The following RIDA variants were observed in gnomAD, a reference collection of about 807,000 sequenced individuals.
RIDA encodes the protein 2-iminobutanoate/2-iminopropanoate deaminase.
Under a neutral mutation model 17.8 loss-of-function variants are expected in RIDA, and 17 were observed. That is an observed-to-expected ratio of 0.96 (90% CI 0.65 to 1.43). The LOEUF is 1.43. Ranked by LOEUF, RIDA falls within the 40% of genes most tolerant of loss-of-function variation. The probability of loss-of-function intolerance (pLI) is 0.00; values close to 1 mark genes in which losing one functional copy is unlikely to be tolerated. For missense variants in RIDA, 158 were observed against 161.7 expected, an observed-to-expected ratio of 0.98 and a Z score of 0.12; for synonymous variants, 48 against 55.7, an observed-to-expected ratio of 0.86 and a Z score of 0.62.
At chr8:98,108,860 A>C (rs555734105) in intron 1 of RIDA, 109 bp from the exon 2 acceptor site, 12 of 627,418 alleles carry the variant, frequency 1.9e-5, no homozygotes, top group East Asian at 1.1e-4. Context: ...AAAAAAAAAA[A>C]CAGATACATT....
intron 3 of RIDA, 129 bp downstream of exon 3, chr8:98,106,143 A>C: frequency 9.4e-7 from 1 of 1,065,934 alleles, no homozygotes; most frequent in East Asian, 2.4e-5. Context: ...GAAGTAGAAC[A>C]GTTGCTATTT....
chr8:98,108,996 T>TCCCAAGCC (rs1273024344), intron 1 of RIDA, among the ~76,000 whole-genome samples: 1 of 151,990 alleles, frequency 6.6e-6, no homozygotes, highest in Non-Finnish European at 1.5e-5. Context: ...GACCAGGAGT[T>TCCCAAGCC]TGAGATCAGC....
intron 1 of RIDA, among the ~76,000 whole-genome samples, chr8:98,115,179 G>C (rs1815786828): frequency 6.6e-6 from 1 of 151,974 alleles, no homozygotes; most frequent in Non-Finnish European, 1.5e-5. Context: ...CTTTAGGTCA[G>C]GAGTTCAATA....
chr8:98,116,484 T>C (rs1194016500), intron 1 of RIDA, among the ~76,000 whole-genome samples: 2 of 152,088 alleles, frequency 1.3e-5, no homozygotes, highest in East Asian at 1.9e-4. Context: ...ATTCAATTTA[T>C]AGGAAATGTC....
rs1815577173 is a variant in RIDA, at chr8:98,102,771, T to A, written c.*71A>T. 9.7e-7 allele frequency: 1 copy of A among 1,027,542 alleles called. No homozygotes were observed. The highest frequency in any genetic ancestry group is 1.6e-5 in the African/African-American group (1 of 62,354). 63.7% of individuals were successfully genotyped at this position (1,027,542 alleles called of 1,614,324 possible). On this transcript the variant is annotated 3_prime_UTR_variant, in exon 6 of 6. Coordinates refer to ENST00000254878, the MANE Select transcript of RIDA (RefSeq NM_005836.3). ...TCATCAATTGTGAAAATTAAAAGGT[T>A]AATTAAGATGTTACATCAATTGTAA...
intron 1 of RIDA, among the ~76,000 whole-genome samples, chr8:98,112,005 G>A (rs1815735113): frequency 6.6e-6 from 1 of 151,672 alleles, no homozygotes; most frequent in Non-Finnish European, 1.5e-5. Flanking sequence ...ATAAAATATG[G>A]TATATTAAAC....
chr8:98,104,419 G>T, intron 5 of RIDA, 70 bp downstream of exon 5: 1 of 1,012,720 alleles, frequency 9.9e-7, no homozygotes, highest in Non-Finnish European at 1.6e-6. Context: ...ACAGTGCTTA[G>T]TTTACTTATA....
rs34364402 is a variant in RIDA, at chr8:98,108,847, T to TAA, written c.66-98_66-97dup. The TAA allele has an allele frequency of 4.9e-3, 2,594 of 527,920 alleles. 2 individuals carry two copies. Among genetic ancestry groups the TAA allele is most frequent in the African/African-American group, 9.6e-3 (481 of 50,362 alleles). The allele number at this position is 527,920 out of a possible 1,614,324, so 32.7% of individuals were successfully genotyped here. On this transcript the variant is annotated intron_variant, in intron 1 of 5. Coordinates refer to ENST00000254878, the MANE Select transcript of RIDA (RefSeq NM_005836.3). Reference sequence around the variant, plus strand: ...TGATAGGACAGAGAAGTATAAATTGTAAAAAAAAAAAAACAGATACATTGG... The same window carrying TAA: ...TGATAGGACAGAGAAGTATAAATTGTAAAAAAAAAAAAAAACAGATACATTGG...
intron 1 of RIDA, among the ~76,000 whole-genome samples, chr8:98,109,691 G>T (rs1815692437): frequency 6.6e-6 from 1 of 152,166 alleles, no homozygotes; most frequent in South Asian, 2.1e-4. Context: ...GACCTCCCAG[G>T]CCCAAGTGAT....
chr8:98,112,264 G>C (rs917715419), intron 1 of RIDA, among the ~76,000 whole-genome samples: 2 of 150,718 alleles, frequency 1.3e-5, no homozygotes, highest in African/African-American at 4.9e-5. Flanking sequence ...CTGGATCCCA[G>C]GAGTGCTTTG....
chr8:98,113,609 C>G (rs1185483488), intron 1 of RIDA: 2 of 152,070 alleles, frequency 1.3e-5, no homozygotes, highest in Non-Finnish European at 2.9e-5. Flanking sequence ...TAGCTTTCAG[C>G]TTTATAAAGA....
Position 98,103,641 on chromosome 8 carries a change from A to AT in RIDA, c.352-738dup, listed in dbSNP as rs372281324. On this transcript the variant is annotated intron_variant, in intron 5 of 5. Transcript: ENST00000254878. Reference sequence around the variant, plus strand: ...AGCTGCTATTTTATTTTTTCTCACAATTTTTTTTTTTTTGTGATGGAGTCT... The same window carrying AT: ...AGCTGCTATTTTATTTTTTCTCACAATTTTTTTTTTTTTTGTGATGGAGTCT... Among the ~76,000 whole-genome samples, 1,117 of 146,244 alleles carry AT rather than the reference A, an allele frequency of 7.6e-3. 11 individuals are homozygous for AT. The highest frequency in any genetic ancestry group is 0.023 in the African/African-American group (930 of 40,254).
chr8:98,103,689 T>C (rs530421476), intron 5 of RIDA, among the ~76,000 whole-genome samples: 2 of 151,820 alleles, frequency 1.3e-5, no homozygotes, highest in East Asian at 3.9e-4. Flanking sequence ...CAGGCTGGAG[T>C]GCAGTGGCGC....
At chr8:98,114,650 T>C (rs1445719244) in intron 1 of RIDA, among the ~76,000 whole-genome samples, 1 of 152,166 alleles carries the variant, frequency 6.6e-6, no homozygotes, top group East Asian at 1.9e-4. Flanking sequence ...TAATTTTTGT[T>C]GGTCACTTTT....
Position 98,106,260 on chromosome 8 carries a change from C to G in RIDA, c.226+12G>C, listed in dbSNP as rs1402023941. 6.2e-7 allele frequency: 1 copy of G among 1,611,184 alleles called. No homozygotes were observed. Among genetic ancestry groups the G allele is most frequent in the Non-Finnish European group, 8.5e-7 (1 of 1,177,938 alleles). The stretch of plus-strand genomic sequence containing the variant: ...ATCAAAAAGAAATGTGAAATAATAT[C>G]AAATTGCTCACCGTTAGTGAAGTCA... On this transcript the variant is annotated intron_variant, in intron 3 of 5. Coordinates refer to ENST00000254878, the MANE Select transcript of RIDA (RefSeq NM_005836.3).
At chr8:98,114,333 T>G (rs957289884) in intron 1 of RIDA, among the ~76,000 whole-genome samples, 3 of 151,884 alleles carry the variant, frequency 2.0e-5, no homozygotes, top group African/African-American at 7.2e-5. Flanking sequence ...AAATCTTTTT[T>G]TTTTTTTTTT....
In RIDA at chr8:98,117,052, TG is replaced by T; in HGVS notation, c.44del (p.Pro15GlnfsTer12). Reference sequence around the variant, plus strand: ...GTTACCTGTAGGGTCCAATGGCCCCTGGGGCTTTCGCGGTGCTGATCACCCT... The same window carrying T: ...GTTACCTGTAGGGTCCAATGGCCCCTGGGCTTTCGCGGTGCTGATCACCCT... Reference protein sequence around the residue: ...IRRVISTAKAPGAIGPYSQAV... With the variant: ...IRRVISTAKAXGAIGPYSQAV... On this transcript the variant is annotated frameshift_variant, in exon 1 of 6. Transcript: ENST00000254878. LOFTEE classifies it high-confidence loss of function. The T allele has an allele frequency of 1.2e-6, 2 of 1,614,092 alleles. No homozygotes were observed. The highest frequency in any genetic ancestry group is 1.7e-6 in the Non-Finnish European group (2 of 1,179,918).
At chr8:98,114,986 T>G (rs1385471318) in intron 1 of RIDA, among the ~76,000 whole-genome samples, 1 of 152,164 alleles carries the variant, frequency 6.6e-6, no homozygotes, top group Non-Finnish European at 1.5e-5. Context: ...GTTACATCAC[T>G]TTTTAGTGGT....
intron 1 of RIDA, among the ~76,000 whole-genome samples, 159 bp downstream of exon 1, chr8:98,116,873 C>T (rs1366438123): frequency 1.3e-5 from 2 of 152,274 alleles, no homozygotes; most frequent in African/African-American, 2.4e-5. Flanking sequence ...CTGGTCCCAT[C>T]GTGGCTCCCA....
Sources: allele counts gnomAD v4.1 joint callset (sites outside exome capture counted in the v4.1 genomes callset), GRCh38; gene constraint gnomAD v4.1.1; transcripts MANE v1.5; gene names NCBI Gene and HGNC (gene_info 2026-07-23, HGNC 2026-07-21).